Variants in SLC2A5 observed in about 807,000 individuals in gnomAD.
SLC2A5 encodes solute carrier family 2 member 5, also known as solute carrier family 2, facilitated glucose transporter member 5.
Under a neutral mutation model 50.3 loss-of-function variants are expected in SLC2A5, and 56 were observed. The observed-to-expected ratio is 1.11, with a 90% CI of 0.90 to 1.39. The LOEUF (loss-of-function observed/expected upper bound fraction) is 1.39, where lower values mean the gene tolerates loss of function less well. Among genes scored for constraint, SLC2A5 ranks in the 40% most tolerant of loss-of-function variants. The pLI, the probability that SLC2A5 is intolerant of heterozygous loss-of-function variation, is 0.00. For synonymous variants in SLC2A5, 269 were observed against 281.9 expected (o/e 0.95, Z 0.46); for missense variants, 566 against 650.1 (o/e 0.87, Z 1.41).
In SLC2A5 at chr1:9,040,205, C is replaced by T. The variant is rs765129424; in HGVS notation, c.572-16G>A. 2.6e-5 allele frequency: 40 copies of T among 1,544,430 alleles called. No individual in the cohort carries two copies. The Admixed American group carries it at 5.3e-4, about 21-fold the overall frequency. ...ATCGGCCAGCCTGGGAGGAAGGCAG[C>T]GAGCTGGCACCAGCGGCCTCCCCAC... On this transcript the variant is annotated splice_polypyrimidine_tract_variant and intron_variant, in intron 5 of 11. Transcript: ENST00000377424. This position sits in a 1 kb window ranked among gnomAD's most constrained non-coding sequence, Gnocchi z 4.3.
At chr1:9,069,431 C>T (rs1311997257) in intron 1 of SLC2A5, 73 bp downstream of exon 1, 1 of 1,515,166 alleles carries the variant, frequency 6.6e-7, no homozygotes, top group Non-Finnish European at 9.1e-7. Flanking sequence ...CCCCCAGCGA[C>T]TCTCCAGGAA....
chr1:9,061,281 CAAAAAAAAAA>C (rs148475993), intron 1 of SLC2A5, among the ~76,000 whole-genome samples: 1 of 111,446 alleles, frequency 9.0e-6, no homozygotes, highest in African/African-American at 3.4e-5. Flanking sequence ...GACCCTGTCT[CAAAAAAAAAA>C]AAAAGAAAAA....
intron 1 of SLC2A5, among the ~76,000 whole-genome samples, chr1:9,065,331 C>T (rs151009451): frequency 2.0e-5 from 3 of 152,210 alleles, no homozygotes; most frequent in African/African-American, 4.8e-5. Context: ...TGACAGGGTA[C>T]GATTCAAGGT....
chr1:9,047,571 G>C, intron 4 of SLC2A5, 39 bp downstream of exon 4: 1 of 1,602,428 alleles, frequency 6.2e-7, no homozygotes, highest in Non-Finnish European at 8.5e-7. Flanking sequence ...CCTCCTTGAC[G>C]ACCCTCACAG....
chr1:9,039,584 C>G lies in SLC2A5; in HGVS notation c.964G>C (p.Gly322Arg). ...EHVQYVTAGT[G>R]AVNVVMTFCA... ...AAGGTCATGACCACGTTCACGGCCC[C>G]GGTGCCGGCCGTCACGTACTGCACG... Residue 322 changes from glycine (G) to arginine (R), a missense_variant, in exon 8 of 12, where the codon GGG becomes CGG. Transcript: ENST00000377424. The G allele has an allele frequency of 1.9e-6, 3 of 1,575,266 alleles. No individual in the cohort carries two copies. In the South Asian group the frequency reaches 3.5e-5, roughly 18 times the overall value.
At chr1:9,057,379 G>T in intron 3 of SLC2A5, 69 bp downstream of exon 3, 10 of 1,031,500 alleles carry the variant, frequency 9.7e-6, no homozygotes, top group Non-Finnish European at 1.3e-5. Context: ...GATTTCAGTT[G>T]TAGGCCTGTA....
In SLC2A5 at chr1:9,057,447, C is replaced by A; in HGVS notation, c.293+1G>T. On this transcript the variant is annotated splice_donor_variant, in intron 3 of 11. Transcript: ENST00000377424. LOFTEE classifies it high-confidence loss of function. ...GGAATTAAAAATTCACCTTCCCTTA[C>A]CTGCCAAATTTATTCACCAAGGGGC... 6.2e-7 allele frequency: 1 copy of A among 1,608,030 alleles called. No homozygotes were observed. Among genetic ancestry groups the A allele is most frequent in the Non-Finnish European group, 8.5e-7 (1 of 1,177,310 alleles).
intron 4 of SLC2A5, among the ~76,000 whole-genome samples, chr1:9,043,370 C>T (rs935450120): frequency 1.3e-5 from 2 of 152,082 alleles, no homozygotes; most frequent in South Asian, 2.1e-4. Context: ...TCATTAATAT[C>T]GATTCTTCCT....
upstream of SLC2A5, among the ~76,000 whole-genome samples, chr1:9,088,940 T>C (rs945164169): frequency 1.4e-4 from 21 of 152,228 alleles, no homozygotes; most frequent in African/African-American, 4.6e-4. Context: ...GCATCTGGGA[T>C]CTTTCTCTGA....
At chr1:9,061,703 C>T (rs1641949354) in intron 1 of SLC2A5, among the ~76,000 whole-genome samples, 1 of 152,194 alleles carries the variant, frequency 6.6e-6, no homozygotes, top group Non-Finnish European at 1.5e-5. Flanking sequence ...ACCACTCCCT[C>T]AGTCTGATGA....
At chr1:9,079,356 G>A (rs1315213706) in intron 2 of SLC2A5, among the ~76,000 whole-genome samples, 1 of 152,196 alleles carries the variant, frequency 6.6e-6, no homozygotes, top group East Asian at 1.9e-4. Flanking sequence ...ACGTGCACAG[G>A]AAGGGCGTGC....
At chr1:9,078,233 C>CAG (rs1224620281) in intron 2 of SLC2A5, among the ~76,000 whole-genome samples, 1 of 152,134 alleles carries the variant, frequency 6.6e-6, no homozygotes, top group Non-Finnish European at 1.5e-5. Context: ...TGAGGACAAC[C>CAG]AGAGGTCACT....
chr1:9,045,079 TTC>T (rs1249978442), intron 4 of SLC2A5, among the ~76,000 whole-genome samples: 5 of 152,084 alleles, frequency 3.3e-5, no homozygotes, highest in African/African-American at 1.2e-4. Context: ...CTGCTCTTCA[TTC>T]TCTCTCTCTC....
chr1:9,074,895 C>T (rs917582317), intron 2 of SLC2A5, among the ~76,000 whole-genome samples: 37 of 152,080 alleles, frequency 2.4e-4, no homozygotes, highest in African/African-American at 8.2e-4. Flanking sequence ...TGGTGGTGTG[C>T]ACCTATAGTC....
intron 4 of SLC2A5, among the ~76,000 whole-genome samples, chr1:9,045,476 C>T (rs560757340): frequency 6.6e-6 from 1 of 152,228 alleles, no homozygotes; most frequent in African/African-American, 2.4e-5. Flanking sequence ...GGAAACAATT[C>T]TGTATTGTTA....
At chr1:9,046,158 G>A (rs1641428532) in intron 4 of SLC2A5, among the ~76,000 whole-genome samples, 1 of 151,880 alleles carries the variant, frequency 6.6e-6, no homozygotes, top group Admixed American at 6.6e-5. Flanking sequence ...ACTGGAGGGA[G>A]GCAGTGAGGC....
At chr1:9,076,443 A>G (rs987450483) in intron 2 of SLC2A5, among the ~76,000 whole-genome samples, 2 of 152,210 alleles carry the variant, frequency 1.3e-5, no homozygotes, top group Non-Finnish European at 2.9e-5. Flanking sequence ...GGTCCTTGCC[A>G]GTCATTTCTC....
intron 4 of SLC2A5, among the ~76,000 whole-genome samples, chr1:9,046,989 C>G (rs1641452040): frequency 6.6e-6 from 1 of 152,104 alleles, no homozygotes; most frequent in Non-Finnish European, 1.5e-5. Context: ...CTCTCTCTCT[C>G]TCTCTCTCGC....
intron 1 of SLC2A5, among the ~76,000 whole-genome samples, chr1:9,066,648 G>T (rs938319846): frequency 9.2e-5 from 14 of 151,686 alleles, no homozygotes; most frequent in African/African-American, 3.4e-4. Flanking sequence ...AAAGTCCTTG[G>T]TGCACATCTG....
Sources: allele counts gnomAD v4.1 joint callset (sites outside exome capture counted in the v4.1 genomes callset), GRCh38; gene constraint gnomAD v4.1.1; non-coding constraint Gnocchi (gnomAD v3.1); transcripts MANE v1.5; gene names NCBI Gene and HGNC (gene_info 2026-07-23, HGNC 2026-07-21).